Variants in ARID5B observed in about 807,000 individuals in gnomAD.
ARID5B encodes the protein AT-rich interaction domain 5B.
A neutral mutation model predicts 97.2 loss-of-function variants in ARID5B; 13 were observed. The observed-to-expected ratio is 0.13, with a 90% CI of 0.09 to 0.21. ARID5B has a LOEUF of 0.21. ARID5B is among the 10% of genes least tolerant of loss of function. ARID5B has a pLI of 1.00. For synonymous variants in ARID5B, 556 were observed against 570.3 expected (o/e 0.97, Z 0.36); for missense variants, 1,210 against 1,465.3 (o/e 0.83, Z 2.84).
Position 61,902,425 on chromosome 10 carries a change from G to C in ARID5B, c.276+12G>C. 2 of 1,611,962 alleles carry C rather than the reference G, an allele frequency of 1.2e-6. No homozygotes were observed. Among genetic ancestry groups the C allele is most frequent in the Non-Finnish European group, 1.7e-6 (2 of 1,178,522 alleles). On this transcript the variant is annotated intron_variant, in intron 2 of 9. Coordinates refer to ENST00000279873, the MANE Select transcript of ARID5B (RefSeq NM_032199.3). ...GCGACCATGGCGAGGTGGTAAACCT[G>C]TCTGTCCCCCTCTTCTTTCTTTATT...
chr10:61,953,027 G>A (rs202215434), intron 3 of ARID5B, among the ~76,000 whole-genome samples: 2 of 151,378 alleles, frequency 1.3e-5, no homozygotes, highest in African/African-American at 4.9e-5. Context: ...CGGCTTGTTT[G>A]TAATCTTTTT....
rs3051524 is a variant in ARID5B at position 61,902,699 on chromosome 10, G to A, written c.276+286G>A. ...TGTGTGTGTGTGTGTGTGTGTGTGTGTGTATGTGTGTGTGTGTGTTCATTT... is the reference window on the plus strand; with the variant it reads ...TGTGTGTGTGTGTGTGTGTGTGTGTATGTATGTGTGTGTGTGTGTTCATTT... On this transcript the variant is annotated intron_variant, in intron 2 of 9. Coordinates refer to ENST00000279873, the MANE Select transcript of ARID5B (RefSeq NM_032199.3). Among the ~76,000 whole-genome samples the A allele has an allele frequency of 0.074, 10,934 of 148,496 alleles. 483 individuals are homozygous for A. The highest frequency in any genetic ancestry group is 0.13 in the East Asian group (650 of 5,134).
intron 4 of ARID5B, among the ~76,000 whole-genome samples, chr10:62,007,699 C>T (rs1339554576): frequency 1.3e-5 from 2 of 152,172 alleles, no homozygotes; most frequent in Admixed American, 1.3e-4. Flanking sequence ...AGAAAACACC[C>T]ACAAAATTAT....
At chr10:62,043,211 T>C (rs1334650570) in intron 4 of ARID5B, among the ~76,000 whole-genome samples, 2 of 152,182 alleles carry the variant, frequency 1.3e-5, no homozygotes, top group African/African-American at 4.8e-5. Context: ...TCTTTTCCTA[T>C]TTCCAGAATT....
chr10:61,937,058 T>C (rs1844317847), intron 2 of ARID5B, among the ~76,000 whole-genome samples: 1 of 152,112 alleles, frequency 6.6e-6, no homozygotes, highest in Admixed American at 6.6e-5. Context: ...TCACTGAACC[T>C]CACTGTCCTC....
intron 4 of ARID5B, among the ~76,000 whole-genome samples, chr10:62,035,180 C>T (rs1839546348): frequency 6.6e-6 from 1 of 152,142 alleles, no homozygotes; most frequent in African/African-American, 2.4e-5. Flanking sequence ...GGAAGGTGAA[C>T]CATCAAGGAT....
At chr10:61,905,028 A>C (rs1031624375) in intron 2 of ARID5B, among the ~76,000 whole-genome samples, 13 of 152,170 alleles carry the variant, frequency 8.5e-5, no homozygotes, top group African/African-American at 2.9e-4. Flanking sequence ...CTCATTAAGA[A>C]ATTTGCTTTG....
intron 8 of ARID5B, among the ~76,000 whole-genome samples, chr10:62,082,957 CTTGT>C: frequency 1.3e-5 from 2 of 152,094 alleles, no homozygotes; most frequent in East Asian, 3.9e-4. Context: ...TTCTGCCTTG[CTTGT>C]TTTATTTTAG....
chr10:62,034,576 A>G (rs1031224021), intron 4 of ARID5B, among the ~76,000 whole-genome samples: 4 of 152,250 alleles, frequency 2.6e-5, no homozygotes, highest in Non-Finnish European at 1.5e-5. Context: ...GGTGATTGCA[A>G]CGCTTTATTC....
rs1843628337 is a variant in ARID5B, at chr10:61,902,206, G to A, written c.69G>A (p.Lys23=). The change falls in exon 2 of 10, where the codon AAG becomes AAA. Residue 23 remains lysine (K), a synonymous_variant. Transcript: ENST00000279873. ...TGCACGGACCTTACATTTTCTACAA[G>A]GCTTTTCAATTCCACCTTGAAGGCA... is the stretch of plus-strand genomic sequence containing the variant. ...CGLHGPYIFY[K]AFQFHLEGKP... The A allele has an allele frequency of 6.2e-7, 1 of 1,613,562 alleles. No individual in the cohort carries two copies. Among genetic ancestry groups the A allele is most frequent in the Admixed American group, 1.7e-5 (1 of 59,996 alleles).
chr10:62,081,023 G>A (rs1360108920), intron 8 of ARID5B, among the ~76,000 whole-genome samples: 2 of 151,914 alleles, frequency 1.3e-5, no homozygotes, highest in Non-Finnish European at 2.9e-5. Flanking sequence ...GGCTGGTCTC[G>A]AACTCCTGAC....
chr10:62,016,134 G>A (rs1839281474), intron 4 of ARID5B, among the ~76,000 whole-genome samples: 1 of 152,164 alleles, frequency 6.6e-6, no homozygotes, highest in African/African-American at 2.4e-5. Flanking sequence ...TGTCCATAAG[G>A]CAAACTACAA....
At chr10:62,031,814 C>T (rs1391952078) in intron 4 of ARID5B, among the ~76,000 whole-genome samples, 1 of 152,150 alleles carries the variant, frequency 6.6e-6, no homozygotes, top group Non-Finnish European at 1.5e-5. Context: ...TGCCAGATCT[C>T]TCAACTCCTT....
chr10:62,036,935 C>T (rs574987164), intron 4 of ARID5B, among the ~76,000 whole-genome samples: 4 of 152,314 alleles, frequency 2.6e-5, no homozygotes, highest in African/African-American at 7.2e-5. Flanking sequence ...ACTCCAATGA[C>T]GAATCCTACT....
rs1409363074 is a variant in ARID5B, at chr10:62,093,680, T to C, written c.*650T>C. 1 of 166,044 alleles carries C rather than the reference T, an allele frequency of 6.0e-6. No individual in the cohort carries two copies. The highest frequency in any genetic ancestry group is 3.4e-5 in the African/African-American group (1 of 29,280). 10.3% of individuals were successfully genotyped at this position (166,044 alleles called of 1,614,324 possible). A position where few individuals can be genotyped will look rare whatever the true frequency, so the allele number is the denominator to read the frequency against. On this transcript the variant is annotated 3_prime_UTR_variant, in exon 10 of 10. Coordinates refer to ENST00000279873, the MANE Select transcript of ARID5B (RefSeq NM_032199.3). Reference sequence around the variant, plus strand: ...TTTTTTTTTTTTTTTTTTTTTTTTATTAAATGGTATTGCTTTTGTTTGCAG... The same window carrying C: ...TTTTTTTTTTTTTTTTTTTTTTTTACTAAATGGTATTGCTTTTGTTTGCAG...
chr10:61,985,208 T>G (rs897281425), intron 3 of ARID5B, among the ~76,000 whole-genome samples: 5 of 151,776 alleles, frequency 3.3e-5, no homozygotes, highest in African/African-American at 1.2e-4. Flanking sequence ...GAACACTTAC[T>G]TGTATTAGGT....
chr10:62,030,186 GTCACGTGATCTCGGC>G, intron 4 of ARID5B, among the ~76,000 whole-genome samples: 1 of 151,730 alleles, frequency 6.6e-6, no homozygotes, highest in Middle Eastern at 3.4e-3. Flanking sequence ...CTGGAGTACA[GTCACGTGATCTCGGC>G]TCACGGCAAC....
intron 7 of ARID5B, among the ~76,000 whole-genome samples, chr10:62,064,432 A>G (rs1204612144): frequency 1.3e-5 from 2 of 152,210 alleles, no homozygotes; most frequent in African/African-American, 2.4e-5. Context: ...TTTCCTACAC[A>G]TTCTTAAGCC....
rs549852249 is a variant in ARID5B at position 61,925,534 on chromosome 10, AG to A, written c.277-14648del. On this transcript the variant is annotated intron_variant, in intron 2 of 9. Coordinates refer to ENST00000279873, the MANE Select transcript of ARID5B (RefSeq NM_032199.3). ...GCTTAACTAACACTGATATAAGTAA[AG>A]CCTCTTCTTTGCATATCAAATGCTT... is the stretch of plus-strand genomic sequence containing the variant. Among the ~76,000 whole-genome samples, 60 of 152,318 alleles carry A rather than the reference AG, an allele frequency of 3.9e-4. 2 individuals carry two copies. In the South Asian group the frequency reaches 0.012, roughly 31 times the overall value.
Sources: allele counts gnomAD v4.1 joint callset (sites outside exome capture counted in the v4.1 genomes callset), GRCh38; gene constraint gnomAD v4.1.1; transcripts MANE v1.5; gene names NCBI Gene and HGNC (gene_info 2026-07-23, HGNC 2026-07-21).